CUL5: variants seen among roughly 807,000 people sequenced by gnomAD.
CUL5 encodes the protein cullin 5.
Under a neutral mutation model 108.8 loss-of-function variants are expected in CUL5, and 26 were observed. That is an observed-to-expected ratio of 0.24 (90% CI 0.18 to 0.33). The LOEUF (loss-of-function observed/expected upper bound fraction) is 0.33. Among genes scored for constraint, CUL5 ranks in the 10% least tolerant of loss-of-function variants. The pLI, the probability that CUL5 is intolerant of heterozygous loss-of-function variation, is 1.00. For synonymous variants in CUL5, 334 were observed against 298.0 expected (o/e 1.12, Z -1.25); for missense variants, 524 against 909.2 (o/e 0.58, Z 5.45).
At chr11:108,098,305 T>C (rs760671450) in intron 17 of CUL5, 101 bp from the exon 18 acceptor site, 57 of 1,058,356 alleles carry the variant, frequency 5.4e-5, no homozygotes, top group South Asian at 2.5e-4. Context: ...AGTTCTGATA[T>C]TTTAGCATAT....
chr11:108,017,984 C>G (rs908781696), intron 1 of CUL5, among the ~76,000 whole-genome samples: 1 of 152,152 alleles, frequency 6.6e-6, no homozygotes, highest in Non-Finnish European at 1.5e-5. Context: ...ACATTTCAGC[C>G]AGATCCTATA....
intron 18 of CUL5, among the ~76,000 whole-genome samples, chr11:108,103,663 A>C (rs1864723687): frequency 6.6e-6 from 1 of 152,206 alleles, no homozygotes; most frequent in South Asian, 2.1e-4. Flanking sequence ...CATTGTTTTC[A>C]CAGGTAAGAT....
intron 7 of CUL5, among the ~76,000 whole-genome samples, chr11:108,059,579 TA>T (rs1863482462): frequency 6.6e-6 from 1 of 152,070 alleles, no homozygotes; most frequent in Non-Finnish European, 1.5e-5. Context: ...TCTCTTTTCC[TA>T]ACTATAAAAT....
chr11:108,009,244 GC>G lies in CUL5; in HGVS notation c.-103del. ...CAGCGCCCACCACACCCTGGTGCGG[GC>G]CGACGGGCCCTGGGCCCTGGTGGGA... On this transcript the variant is annotated 5_prime_UTR_variant, in exon 1 of 19. Coordinates refer to ENST00000393094, the MANE Select transcript of CUL5 (RefSeq NM_003478.6). 3 of 1,273,436 alleles carry G rather than the reference GC, an allele frequency of 2.4e-6. No individual in the cohort carries two copies. Among genetic ancestry groups the G allele is most frequent in the Non-Finnish European group, 3.4e-6 (3 of 888,982 alleles). The allele number at this position is 1,273,436 out of a possible 1,614,324, so 78.9% of individuals were successfully genotyped here.
intron 7 of CUL5, among the ~76,000 whole-genome samples, chr11:108,062,509 A>G (rs1327356295): frequency 6.7e-6 from 1 of 149,052 alleles, no homozygotes; most frequent in South Asian, 2.1e-4. Context: ...ATGAATATTA[A>G]TAATTGTAAA....
intron 1 of CUL5, among the ~76,000 whole-genome samples, chr11:108,032,583 C>G (rs909633654): frequency 6.7e-6 from 1 of 149,706 alleles, no homozygotes; most frequent in African/African-American, 2.5e-5. Flanking sequence ...CATATGGGGT[C>G]TCTCTCTCTC....
chr11:108,074,284 TC>T (rs1863895240), intron 10 of CUL5, among the ~76,000 whole-genome samples: 1 of 147,724 alleles, frequency 6.8e-6, no homozygotes, highest in African/African-American at 2.5e-5. Flanking sequence ...AACTTCTGCC[TC>T]CCAGGTTCAA....
intron 2 of CUL5, among the ~76,000 whole-genome samples, chr11:108,036,225 A>T (rs952277000): frequency 2.6e-5 from 4 of 152,172 alleles, no homozygotes; most frequent in Admixed American, 6.5e-5. Context: ...ATCAGTAGTT[A>T]AAAAAGTCAT....
chr11:108,016,621 C>T (rs920780602), intron 1 of CUL5, among the ~76,000 whole-genome samples: 3 of 152,130 alleles, frequency 2.0e-5, no homozygotes, highest in African/African-American at 7.2e-5. Flanking sequence ...CATTTGCCTC[C>T]TGCCTTGGTT....
At chr11:108,104,128 G>A in intron 18 of CUL5, 62 bp from the exon 19 acceptor site, 1 of 1,126,498 alleles carries the variant, frequency 8.9e-7, no homozygotes, top group South Asian at 1.5e-5. Context: ...TCATTTTTCA[G>A]TTTGTTGTAC....
intron 2 of CUL5, among the ~76,000 whole-genome samples, chr11:108,040,101 AT>A (rs1362345122): frequency 6.6e-6 from 1 of 152,094 alleles, no homozygotes; most frequent in African/African-American, 2.4e-5. Flanking sequence ...AGAAGCTTCT[AT>A]TTCCTCCCTC....
chr11:108,069,679 T>C (rs1249506521), intron 7 of CUL5, among the ~76,000 whole-genome samples: 1 of 152,248 alleles, frequency 6.6e-6, no homozygotes, highest in Non-Finnish European at 1.5e-5. Context: ...TTATATCTTA[T>C]TCTTGTCTCT....
At chr11:108,032,163 A>G (rs1862603206) in intron 1 of CUL5, among the ~76,000 whole-genome samples, 1 of 152,204 alleles carries the variant, frequency 6.6e-6, no homozygotes. Flanking sequence ...TGTACCCCAA[A>G]CTTAAAAGTT....
At chr11:108,018,632 G>A (rs1365111283) in intron 1 of CUL5, among the ~76,000 whole-genome samples, 2 of 152,008 alleles carry the variant, frequency 1.3e-5, no homozygotes, top group African/African-American at 2.4e-5. Context: ...CCGAGATCAC[G>A]CCATTGCACT....
In CUL5 at chr11:108,094,889, A is replaced by G. The variant is rs1317615956; in HGVS notation, c.1645A>G (p.Thr549Ala). 2 of 1,612,792 alleles carry G rather than the reference A, an allele frequency of 1.2e-6. No homozygotes were observed. The highest frequency in any genetic ancestry group is 1.7e-6 in the Non-Finnish European group (2 of 1,179,052). Residue 549 changes from threonine to alanine, a missense_variant, in exon 15 of 19, where the codon ACT becomes GCT. Transcript: ENST00000393094. ...TGAGAAAGTCTTTGTCTCACTTCCT[A>G]CTGAACTGGAGGACTTGATACCGGA... ...SSEKVFVSLP[T>A]ELEDLIPEVE...
rs1039803088 is a variant in CUL5 at position 108,062,806 on chromosome 11, T to C, written c.781-7290T>C. On this transcript the variant is annotated intron_variant, in intron 7 of 18. Transcript: ENST00000393094. ...TTACTGTAGTCACCCTGTTATGTTA[T>C]CAAATACTATGTTTTATTCATTCTG... Among the ~76,000 whole-genome samples the C allele has an allele frequency of 3.4e-4, 51 of 152,140 alleles. 1 individual carries two copies. The highest frequency in any genetic ancestry group is 1.2e-4 in the Non-Finnish European group (8 of 68,014).
At chr11:108,079,956 A>G (rs1290994968) in intron 11 of CUL5, among the ~76,000 whole-genome samples, 1 of 152,130 alleles carries the variant, frequency 6.6e-6, no homozygotes, top group Non-Finnish European at 1.5e-5. Context: ...TCTCTTTTAC[A>G]CTTCCACCAA....
intron 1 of CUL5, among the ~76,000 whole-genome samples, chr11:108,030,150 A>G (rs1428644444): frequency 2.0e-5 from 3 of 152,216 alleles, no homozygotes; most frequent in Non-Finnish European, 4.4e-5. Context: ...GCATAAAGTT[A>G]TTGTACAAAG....
chr11:108,020,474 A>T (rs1473594105), intron 1 of CUL5, among the ~76,000 whole-genome samples: 2 of 152,162 alleles, frequency 1.3e-5, no homozygotes, highest in African/African-American at 4.8e-5. Context: ...TTTAATAGAA[A>T]AGTTTATAGA....
Sources: allele counts gnomAD v4.1 joint callset (sites outside exome capture counted in the v4.1 genomes callset), GRCh38; gene constraint gnomAD v4.1.1; transcripts MANE v1.5; gene names NCBI Gene and HGNC (gene_info 2026-07-23, HGNC 2026-07-21).